Variants in NAV3 observed in about 807,000 individuals in gnomAD.
NAV3 encodes neuron navigator 3.
Under a neutral mutation model 244.7 loss-of-function variants are expected in NAV3, and 87 were observed. That is an observed-to-expected ratio of 0.36 (90% CI 0.30 to 0.42). NAV3 has a LOEUF of 0.42. NAV3 is among the 20% of genes least tolerant of loss of function. NAV3 has a pLI of 1.00. For missense variants in NAV3, 2,663 were observed against 2,893.3 expected, an observed-to-expected ratio of 0.92 and a Z score of 1.83; for synonymous variants, 1,126 against 1,042.2, an observed-to-expected ratio of 1.08 and a Z score of -1.55.
At position 78,063,007 on chromosome 12, in the gene NAV3, C is replaced by T. The variant is rs185145278; in HGVS notation, c.2636+3892C>T. On this transcript the variant is annotated intron_variant, in intron 12 of 39. Coordinates refer to ENST00000397909, the MANE Select transcript of NAV3 (RefSeq NM_001024383.2). ...GCCAGCTACCTAGCATAGCAATGGA[C>T]TTGAATTGTTTGTATTGTTATAGTG... Among the ~76,000 whole-genome samples, 334 of 152,158 alleles carry T rather than the reference C, an allele frequency of 2.2e-3. 3 individuals carry two copies. The highest frequency in any genetic ancestry group is 7.8e-3 in the African/African-American group (323 of 41,526).
chr12:77,883,790 T>C (rs1882958914), intron 1 of NAV3, among the ~76,000 whole-genome samples: 1 of 152,136 alleles, frequency 6.6e-6, no homozygotes, highest in Non-Finnish European at 1.5e-5. Flanking sequence ...TCACCAGTTG[T>C]TACTCTATTG....
intron 2 of NAV3, among the ~76,000 whole-genome samples, chr12:77,639,038 G>T (rs12827908): frequency 0.23 from 34,629 of 152,010 alleles, 4,391 homozygotes; most frequent in African/African-American, 0.33. Context: ...TATTTTACAC[G>T]TTGACAATTA....
intron 2 of NAV3, among the ~76,000 whole-genome samples, chr12:77,776,582 C>T (rs1870368720): frequency 6.6e-6 from 1 of 152,306 alleles, no homozygotes; most frequent in South Asian, 2.1e-4. Flanking sequence ...TGAAGATCTG[C>T]ACTCTCTTGC....
intron 23 of NAV3, among the ~76,000 whole-genome samples, chr12:78,160,583 A>C (rs1397980363): frequency 6.6e-6 from 1 of 152,104 alleles, no homozygotes; most frequent in Non-Finnish European, 1.5e-5. Context: ...TCTGTAAGTT[A>C]TGTGATTAGC....
chr12:78,082,088 T>G (rs1953384079), intron 12 of NAV3, among the ~76,000 whole-genome samples: 2 of 152,292 alleles, frequency 1.3e-5, no homozygotes, highest in Non-Finnish European at 1.5e-5. Flanking sequence ...TCTCATGAGA[T>G]CTGATGGTTT....
chr12:78,209,646 G>A (rs1024575063), intron 39 of NAV3, among the ~76,000 whole-genome samples: 3 of 151,746 alleles, frequency 2.0e-5, no homozygotes, highest in Admixed American at 2.0e-4. Context: ...GGAAATGCTA[G>A]CTGCCTTTCT....
chr12:77,770,340 C>T lies in NAV3; in HGVS notation c.73-169979C>T, dbSNP rs547182151. 2.8e-4 allele frequency among the ~76,000 whole-genome samples: 43 copies of T among 152,214 alleles called. No homozygotes were observed. In the South Asian group the frequency reaches 8.3e-3, roughly 29 times the overall value. On this transcript the variant is annotated intron_variant, in intron 2 of 8. Transcript: ENST00000550042. ...GGTATAGCACTTCTGGATGAACAGA[C>T]GGCTGAGTTAGAGACCTCCCAGAGG... is the stretch of plus-strand genomic sequence containing the variant.
chr12:77,927,758 G>A (rs774640014), intron 1 of NAV3, among the ~76,000 whole-genome samples: 35 of 152,106 alleles, frequency 2.3e-4, no homozygotes, highest in Non-Finnish European at 1.3e-4. Context: ...TTTCAAAAAT[G>A]TATATCATAT....
At chr12:77,618,407 A>G (rs983618083) in intron 2 of NAV3, among the ~76,000 whole-genome samples, 72 of 152,306 alleles carry the variant, frequency 4.7e-4, no homozygotes, top group African/African-American at 1.7e-3. Flanking sequence ...CAAAATATTA[A>G]TTACTCTTCA....
At position 77,991,142 on chromosome 12, in the gene NAV3, C is replaced by T. The variant is rs192828010; in HGVS notation, c.672-3661C>T. On this transcript the variant is annotated intron_variant, in intron 5 of 39. Transcript: ENST00000397909. ...CTGGGTTCAAGCAATTCTCCTGCCT[C>T]AGCCTCCAAAGTAGCTGGGATTACA... Among the ~76,000 whole-genome samples the T allele has an allele frequency of 1.4e-3, 219 of 152,238 alleles. 1 individual carries two copies. The highest frequency in any genetic ancestry group is 2.5e-3 in the Non-Finnish European group (172 of 68,002).
intron 2 of NAV3, among the ~76,000 whole-genome samples, chr12:77,625,492 T>A (rs1346401656): frequency 6.6e-6 from 1 of 152,172 alleles, no homozygotes; most frequent in East Asian, 1.9e-4. Context: ...AAACTAGACT[T>A]GTTTCTTATT....
chr12:77,978,889 A>G (rs1246243416), intron 5 of NAV3, among the ~76,000 whole-genome samples: 1 of 152,022 alleles, frequency 6.6e-6, no homozygotes, highest in East Asian at 1.9e-4. Context: ...AATTTTCAAT[A>G]TGGAGTAAAA....
chr12:77,573,424 A>G (rs1248750126), intron 2 of NAV3, among the ~76,000 whole-genome samples: 1 of 152,204 alleles, frequency 6.6e-6, no homozygotes, highest in Non-Finnish European at 1.5e-5. Context: ...GTGCAGTGTC[A>G]GTAAATCTCA....
At position 77,953,454 on chromosome 12, in the gene NAV3, A is replaced by G. The variant is rs556808561; in HGVS notation, c.414+12321A>G. On this transcript the variant is annotated intron_variant, in intron 3 of 39. Transcript: ENST00000397909. Reference sequence around the variant, plus strand: ...GCCTAGAAACTTCTCAGTTTCTTACATTGTGTAAATTGTAATACCATGATG... The same window carrying G: ...GCCTAGAAACTTCTCAGTTTCTTACGTTGTGTAAATTGTAATACCATGATG... Among the ~76,000 whole-genome samples, 3 of 152,296 alleles carry G rather than the reference A, an allele frequency of 2.0e-5. No individual in the cohort carries two copies. The South Asian group carries it at 6.2e-4, about 32-fold the overall frequency.
At chr12:77,847,170 G>A (rs866519537) in intron 1 of NAV3, among the ~76,000 whole-genome samples, 1 of 152,114 alleles carries the variant, frequency 6.6e-6, no homozygotes, top group African/African-American at 2.4e-5. Flanking sequence ...TTAACAATAG[G>A]CCATTGACAG....
chr12:78,161,095 C>A (rs1250469346), intron 23 of NAV3, among the ~76,000 whole-genome samples: 1 of 152,028 alleles, frequency 6.6e-6, no homozygotes, highest in Non-Finnish European at 1.5e-5. Context: ...CCCCAGTATT[C>A]TTGAATGAGA....
rs563130747 is a variant in NAV3, at chr12:77,902,748, C to T, written c.244-37571C>T. Among the ~76,000 whole-genome samples, 73 of 152,232 alleles carry T rather than the reference C, an allele frequency of 4.8e-4. 1 individual carries two copies. The highest frequency in any genetic ancestry group is 4.4e-3 in the South Asian group (21 of 4,822). On this transcript the variant is annotated intron_variant, in intron 1 of 39. Transcript: ENST00000397909. ...TGATTGTATATCTAGAAAACCCCAT[C>T]GTCTCAGCCCAAAATCTCCTTAAGC...
chr12:77,600,726 G>T (rs1471414863), intron 2 of NAV3, among the ~76,000 whole-genome samples: 2 of 151,908 alleles, frequency 1.3e-5, no homozygotes, highest in Non-Finnish European at 2.9e-5. Flanking sequence ...GTCAGAGAGG[G>T]TACAGCAGAT....
intron 2 of NAV3, among the ~76,000 whole-genome samples, chr12:77,585,638 A>G (rs1214313930): frequency 6.6e-6 from 1 of 152,136 alleles, no homozygotes; most frequent in African/African-American, 2.4e-5. Flanking sequence ...AGTTCACAGT[A>G]GGGTTCGTAC....
Sources: allele counts gnomAD v4.1 joint callset (sites outside exome capture counted in the v4.1 genomes callset), GRCh38; gene constraint gnomAD v4.1.1; transcripts MANE v1.5; gene names NCBI Gene and HGNC (gene_info 2026-07-23, HGNC 2026-07-21).